BLTP3B: variants seen among roughly 807,000 people sequenced by gnomAD.
The protein encoded by BLTP3B is UHRF1 (ICBP90) binding protein 1-like.
At chr12:100,094,950 A>G in the BLTP3B span, among the ~76,000 whole-genome samples, 2 of 152,230 alleles carry the variant, frequency 1.3e-5, no homozygotes, top group African/African-American at 4.8e-5. Flanking sequence ...TTCCAAGGAA[A>G]TAGCTTCGTA....
the BLTP3B span, among the ~76,000 whole-genome samples, chr12:100,100,718 T>C: frequency 1.5e-5 from 2 of 133,764 alleles, no homozygotes; most frequent in African/African-American, 3.2e-5. Flanking sequence ...AAATACATAT[T>C]CACATTCTAT....
chr12:100,059,422 G>A, the BLTP3B span: 9 of 1,613,810 alleles, frequency 5.6e-6, no homozygotes, highest in South Asian at 2.2e-5. Flanking sequence ...TCAGAATGTC[G>A]ACAGTTTGGA....
At chr12:100,089,284 A>C in the BLTP3B span, among the ~76,000 whole-genome samples, 7 of 152,158 alleles carry the variant, frequency 4.6e-5, no homozygotes, top group Non-Finnish European at 1.5e-5. Flanking sequence ...AAAAACGGTA[A>C]AACTAGGCTC....
the BLTP3B span, among the ~76,000 whole-genome samples, chr12:100,138,680 C>T: frequency 6.6e-6 from 1 of 152,232 alleles, no homozygotes; most frequent in Admixed American, 6.5e-5. Flanking sequence ...CCAGTCAACT[C>T]CCACTCCCAG....
At chr12:100,142,728 G>C in the BLTP3B span, 2 of 1,520,110 alleles carry the variant, frequency 1.3e-6, no homozygotes, top group East Asian at 2.6e-5. Context: ...TAGCCCGGCC[G>C]GCGGAGAGGC....
the BLTP3B span, chr12:100,037,763 G>A: frequency 6.3e-7 from 1 of 1,585,468 alleles, no homozygotes; most frequent in Non-Finnish European, 8.5e-7. Context: ...GAGCTGAAAT[G>A]ATAAATGGCG....
chr12:100,084,092 G>A, the BLTP3B span, among the ~76,000 whole-genome samples: 7 of 152,042 alleles, frequency 4.6e-5, no homozygotes, highest in Admixed American at 4.6e-4. Context: ...AGGAGGCTGA[G>A]GCAGGAGAAT....
At chr12:100,139,785 A>C in the BLTP3B span, among the ~76,000 whole-genome samples, 2 of 152,256 alleles carry the variant, frequency 1.3e-5, no homozygotes, top group Admixed American at 1.3e-4. Context: ...TAGAGTCTAC[A>C]TTTAAGTGGA....
chr12:100,047,326 C>T, the BLTP3B span, among the ~76,000 whole-genome samples: 1 of 151,962 alleles, frequency 6.6e-6, no homozygotes, highest in Non-Finnish European at 1.5e-5. Flanking sequence ...GGTGAAACCC[C>T]ATCTCTACTA....
chr12:100,070,717 G>C, the BLTP3B span, among the ~76,000 whole-genome samples: 2 of 152,082 alleles, frequency 1.3e-5, no homozygotes, highest in Non-Finnish European at 2.9e-5. Flanking sequence ...TAATAGGGTG[G>C]GTGCGGTGGC....
the BLTP3B span, among the ~76,000 whole-genome samples, chr12:100,074,039 G>A: frequency 6.6e-6 from 1 of 152,130 alleles, no homozygotes; most frequent in East Asian, 1.9e-4. Context: ...GCAAGAGAAA[G>A]AAAGAAAGGG....
chr12:100,058,556 A>C, the BLTP3B span: 1 of 1,612,226 alleles, frequency 6.2e-7, no homozygotes, highest in Non-Finnish European at 8.5e-7. Context: ...TTCTTTTTGA[A>C]GACAAAAAAT....
chr12:100,072,196 A>C, the BLTP3B span, among the ~76,000 whole-genome samples: 1 of 152,160 alleles, frequency 6.6e-6, no homozygotes, highest in African/African-American at 2.4e-5. Context: ...TGGGAGGCCA[A>C]GGCTGCAGTG....
chr12:100,072,834 A>G, the BLTP3B span: 3 of 1,578,718 alleles, frequency 1.9e-6, no homozygotes, highest in Non-Finnish European at 1.7e-6. Flanking sequence ...AAATAAGTTT[A>G]CTGAAATCAC....
At chr12:100,107,838 G>A in the BLTP3B span, among the ~76,000 whole-genome samples, 15 of 152,178 alleles carry the variant, frequency 9.9e-5, no homozygotes, top group African/African-American at 1.9e-4. Context: ...AGACTCAACC[G>A]ATCATCCTGC....
At chr12:100,089,045 T>C in the BLTP3B span, 1 of 1,610,090 alleles carries the variant, frequency 6.2e-7, no homozygotes, top group South Asian at 1.1e-5. Context: ...CAGGAGCATT[T>C]GAAGTTTGCG....
At chr12:100,093,165 T>A in the BLTP3B span, among the ~76,000 whole-genome samples, 1 of 152,234 alleles carries the variant, frequency 6.6e-6, no homozygotes, top group Non-Finnish European at 1.5e-5. Context: ...GGCCCAGTGG[T>A]CTGTTTGCCA....
At chr12:100,101,517 CTA>C in the BLTP3B span, among the ~76,000 whole-genome samples, 3 of 152,190 alleles carry the variant, frequency 2.0e-5, no homozygotes, top group Non-Finnish European at 2.9e-5. Flanking sequence ...CATTAAAAAT[CTA>C]TGTCAACAAT....
chr12:100,111,070 TCCC>T, the BLTP3B span, among the ~76,000 whole-genome samples: 1 of 151,484 alleles, frequency 6.6e-6, no homozygotes, highest in East Asian at 1.9e-4. Flanking sequence ...AATCTAAACG[TCCC>T]AAGAGGGATA....
Sources: allele counts gnomAD v4.1 joint callset (sites outside exome capture counted in the v4.1 genomes callset), GRCh38; gene constraint gnomAD v4.1.1; transcripts MANE v1.5; gene names NCBI Gene and HGNC (gene_info 2026-07-23, HGNC 2026-07-21).